The following SIAE variants were observed in gnomAD, a reference collection of about 807,000 sequenced individuals.
SIAE encodes the protein sialic acid acetylesterase, also known as sialate O-acetylesterase.
A neutral mutation model predicts 52.6 loss-of-function variants in SIAE; 39 were observed. The ratio of observed to expected loss-of-function variants is 0.74; its 90% CI spans 0.57 to 0.97. The LOEUF (loss-of-function observed/expected upper bound fraction) is 0.97, where lower values mean the gene tolerates loss of function less well. SIAE is among the 50% of genes least tolerant of loss of function. The pLI, the probability that SIAE is intolerant of heterozygous loss-of-function variation, is 0.00. For synonymous variants in SIAE, 233 were observed against 241.4 expected, an observed-to-expected ratio of 0.97 and a Z score of 0.32; for missense variants, 592 against 662.1, an observed-to-expected ratio of 0.89 and a Z score of 1.16.
intron 3 of SIAE, chr11:124,660,321 TA>T (rs1943167892): frequency 3.6e-6 from 1 of 280,678 alleles, no homozygotes; most frequent in African/African-American, 2.4e-5. Context: ...AGCAAGAAAA[TA>T]AAAATCAACT....
intron 2 of SIAE, among the ~76,000 whole-genome samples, chr11:124,664,217 G>GC (rs963329804): frequency 1.3e-5 from 2 of 151,770 alleles, no homozygotes; most frequent in Non-Finnish European, 2.9e-5. Flanking sequence ...TCTAGGGTTA[G>GC]CATTTCTGGT....
In SIAE at chr11:124,673,685, G is replaced by A. The variant is rs372778156; in HGVS notation, c.24C>T (p.Leu8=). Reference sequence around the variant, plus strand: ...ACAGGATTAATGGCAGCACCAGCCCGAGTACAAGCCCCGGCGCGACCATGC... The same window carrying A: ...ACAGGATTAATGGCAGCACCAGCCCAAGTACAAGCCCCGGCGCGACCATGC... MVAPGLV[L]GLVLPLILWA... Residue 8 remains leucine (L), a synonymous_variant, in exon 1 of 10, where the codon CTC becomes CTT. Coordinates refer to ENST00000263593, the MANE Select transcript of SIAE (RefSeq NM_170601.5). The A allele has an allele frequency of 6.2e-7, 1 of 1,613,618 alleles. No homozygotes were observed. Among genetic ancestry groups the A allele is most frequent in the Non-Finnish European group, 8.5e-7 (1 of 1,179,816 alleles).
upstream of SIAE, chr11:124,674,061 G>A (rs1943422300): frequency 3.6e-6 from 1 of 274,276 alleles, no homozygotes; most frequent in Admixed American, 4.8e-5. Flanking sequence ...TGGGCCGTTT[G>A]GGAGCCGAGG....
intron 7 of SIAE, among the ~76,000 whole-genome samples, chr11:124,646,998 A>T (rs537909767): frequency 1.4e-4 from 21 of 152,324 alleles, no homozygotes; most frequent in Admixed American, 5.9e-4. Flanking sequence ...TATAGTACAG[A>T]TCTATTTCAA....
chr11:124,656,289 T>G (rs1390896648), intron 3 of SIAE, among the ~76,000 whole-genome samples: 2 of 152,256 alleles, frequency 1.3e-5, no homozygotes, highest in Non-Finnish European at 2.9e-5. Flanking sequence ...TTTATATCCA[T>G]GGCTGGTTGA....
rs1239263726 is a variant in SIAE at position 124,634,645 on chromosome 11, A to G, written c.*2306T>C. 2 of 152,184 alleles carry G rather than the reference A, an allele frequency of 1.3e-5. No individual in the cohort carries two copies. Among genetic ancestry groups the G allele is most frequent in the African/African-American group, 4.8e-5 (2 of 41,434 alleles). The allele number at this position is 152,184 out of a possible 1,614,324, so 9.4% of individuals were successfully genotyped here. Reference sequence around the variant, plus strand: ...TACAGTATTATTTTAATAGTAGAAAATTGTTAAAAATCTATATGTCCATTA... The same window carrying G: ...TACAGTATTATTTTAATAGTAGAAAGTTGTTAAAAATCTATATGTCCATTA... On this transcript the variant is annotated 3_prime_UTR_variant, in exon 10 of 10. Coordinates refer to ENST00000263593, the MANE Select transcript of SIAE (RefSeq NM_170601.5).
intron 7 of SIAE, among the ~76,000 whole-genome samples, chr11:124,641,977 A>AAG (rs1555096045): frequency 3.3e-5 from 5 of 151,500 alleles, no homozygotes; most frequent in African/African-American, 1.2e-4. Context: ...AAAAAAAAAA[A>AAG]AAAAGAAACC....
chr11:124,662,102 C>T (rs1448445601), intron 2 of SIAE, among the ~76,000 whole-genome samples: 3 of 152,242 alleles, frequency 2.0e-5, no homozygotes, highest in African/African-American at 7.2e-5. Context: ...GCATAAGCAA[C>T]TAAGCTTGCT....
Position 124,660,687 on chromosome 11 carries a change from G to T in SIAE, c.346C>A (p.Leu116Met), listed in dbSNP as rs1035739585. ...INFTLRVHDV[L>M]FGDVWLCSGQ... is the part of the protein sequence containing the mutation. ...CTACAGAGCCAGACATCTCCAAACAGGACGTCATGAACTCTCAGGGTGAAG... is the reference window on the plus strand; with the variant it reads ...CTACAGAGCCAGACATCTCCAAACATGACGTCATGAACTCTCAGGGTGAAG... The change falls in exon 3 of 10, where the codon CTG becomes ATG. Residue 116 changes from leucine to methionine, a missense_variant. Coordinates refer to ENST00000263593, the MANE Select transcript of SIAE (RefSeq NM_170601.5). 3 of 1,614,148 alleles carry T rather than the reference G, an allele frequency of 1.9e-6. No individual in the cohort carries two copies. The Admixed American group carries it at 5.0e-5, about 27-fold the overall frequency.
intron 1 of SIAE, 169 bp from the exon 2 acceptor site, chr11:124,669,690 C>T (rs1943322364): frequency 2.9e-6 from 2 of 684,260 alleles, no homozygotes; most frequent in African/African-American, 3.5e-5. Context: ...AGGCAAGCAA[C>T]ATAACAAGAA....
At chr11:124,654,390 G>A (rs961598848) in intron 4 of SIAE, 16 of 985,250 alleles carry the variant, frequency 1.6e-5, no homozygotes, top group South Asian at 4.7e-5. Context: ...AGATGCTGGC[G>A]GAGCCCATGC....
At chr11:124,644,622 T>C (rs1429544870) in intron 7 of SIAE, among the ~76,000 whole-genome samples, 1 of 152,172 alleles carries the variant, frequency 6.6e-6, no homozygotes, top group African/African-American at 2.4e-5. Flanking sequence ...CTGCGGCTAA[T>C]AAAGGCGTGG....
rs1942663846 is a variant in SIAE, at chr11:124,633,883, C to G, written c.*3068G>C. The stretch of plus-strand genomic sequence containing the variant: ...TGAGTAATACCCGTATTAAAAGAGC[C>G]TCATTTTAGAAAGACATTTAAAATT... On this transcript the variant is annotated 3_prime_UTR_variant, in exon 10 of 10. Transcript: ENST00000263593. 6.6e-6 allele frequency: 1 copy of G among 152,098 alleles called. No individual in the cohort carries two copies. Among genetic ancestry groups the G allele is most frequent in the African/African-American group, 2.4e-5 (1 of 41,414 alleles). 9.4% of individuals were successfully genotyped at this position (152,098 alleles called of 1,614,324 possible).
chr11:124,663,484 G>A (rs2134386139), intron 2 of SIAE, among the ~76,000 whole-genome samples: 1 of 152,354 alleles, frequency 6.6e-6, no homozygotes, highest in African/African-American at 2.4e-5. Flanking sequence ...TGAGGCAGGA[G>A]TATGGTGTGA....
upstream of SIAE, chr11:124,675,605 T>C (rs187841968): frequency 1.8e-6 from 1 of 552,796 alleles, no homozygotes; most frequent in Non-Finnish European, 3.1e-6. Context: ...CGTTTCATAT[T>C]ATCGAAGATT....
At chr11:124,640,844 T>C (rs1445896903) in intron 7 of SIAE, among the ~76,000 whole-genome samples, 1 of 152,234 alleles carries the variant, frequency 6.6e-6, no homozygotes, top group Non-Finnish European at 1.5e-5. Flanking sequence ...TCATTTGCAC[T>C]GCTGCTATCG....
chr11:124,663,444 G>T (rs753607244), intron 2 of SIAE, among the ~76,000 whole-genome samples: 4 of 151,824 alleles, frequency 2.6e-5, no homozygotes, highest in Non-Finnish European at 5.9e-5. Flanking sequence ...GCATGGTGGC[G>T]GCACCCGTAG....
At chr11:124,673,439 G>A (rs1943403366) in intron 1 of SIAE, among the ~76,000 whole-genome samples, 1 of 152,214 alleles carries the variant, frequency 6.6e-6, no homozygotes, top group East Asian at 1.9e-4. Flanking sequence ...GTAAGTGGGG[G>A]GTGGAGAAAG....
chr11:124,675,248 C>G (rs2134403705), upstream of SIAE: 1 of 1,609,130 alleles, frequency 6.2e-7, no homozygotes, highest in South Asian at 1.1e-5. Flanking sequence ...GTTCCATAGG[C>G]AGTTCTTACC....
Sources: allele counts gnomAD v4.1 joint callset (sites outside exome capture counted in the v4.1 genomes callset), GRCh38; gene constraint gnomAD v4.1.1; transcripts MANE v1.5; gene names NCBI Gene and HGNC (gene_info 2026-07-23, HGNC 2026-07-21).